The following DMD variants were observed in gnomAD, a reference collection of about 807,000 sequenced individuals.
DMD encodes the protein dystrophin.
In DMD, 63 loss-of-function variants were observed where a neutral mutation model predicts 330.1. That is an observed-to-expected ratio of 0.19 (90% CI 0.16 to 0.24). The LOEUF (loss-of-function observed/expected upper bound fraction) is 0.24, where lower values mean the gene tolerates loss of function less well. Among genes scored for constraint, DMD ranks in the 10% least tolerant of loss-of-function variants. The probability of loss-of-function intolerance (pLI) is 1.00; values close to 1 mark genes in which losing one functional copy is unlikely to be tolerated. For missense variants in DMD, 3,344 were observed against 2,684.1 expected (o/e 1.25, Z -5.43); for synonymous variants, 1,223 against 959.8 (o/e 1.27, Z -5.07).
intron 50 of DMD, among the ~76,000 whole-genome samples, chrX:31,794,718 C>CTTT (rs373671829): frequency 3.0e-5 from 3 of 99,505 alleles, no homozygotes; most frequent in African/African-American, 1.1e-4. Context: ...GCTAGTTCCT[C>CTTT]TTTTTTTTTT....
intron 2 of DMD, among the ~76,000 whole-genome samples, chrX:32,958,054 T>C (rs908559673): frequency 3.1e-4 from 35 of 112,080 alleles, no homozygotes; most frequent in African/African-American, 1.1e-3. Context: ...TATATGTATA[T>C]AGTAAGGTAA....
intron 1 of DMD, among the ~76,000 whole-genome samples, chrX:33,140,586 A>G (rs955866411): frequency 8.9e-6 from 1 of 112,454 alleles, no homozygotes; most frequent in Non-Finnish European, 1.9e-5. Flanking sequence ...GAATTGGACT[A>G]AATAACTTTG....
intron 44 of DMD, among the ~76,000 whole-genome samples, chrX:32,201,508 C>T (rs2097038681): frequency 1.1e-5 from 1 of 92,521 alleles, no homozygotes; most frequent in Non-Finnish European, 2.1e-5. Context: ...ATTTAGATTA[C>T]CTCCTGGAAA....
intron 44 of DMD, among the ~76,000 whole-genome samples, chrX:32,119,951 C>G (rs766488251): frequency 8.9e-6 from 1 of 111,927 alleles, no homozygotes; most frequent in Non-Finnish European, 1.9e-5. Flanking sequence ...AGCTGACTTG[C>G]CACCTCAACT....
chrX:31,860,969 G>T (rs768794567), intron 48 of DMD, among the ~76,000 whole-genome samples: 1 of 112,176 alleles, frequency 8.9e-6, no homozygotes, highest in South Asian at 3.7e-4. Context: ...CAATTCAAAG[G>T]TTAGTTTTGA....
chrX:31,784,571 A>C (rs2091194940), intron 50 of DMD, among the ~76,000 whole-genome samples: 1 of 112,146 alleles, frequency 8.9e-6, no homozygotes, highest in African/African-American at 3.2e-5. Context: ...TCTAACTTGT[A>C]ATTTTTGGAC....
intron 30 of DMD, among the ~76,000 whole-genome samples, chrX:32,394,022 T>A (rs916113359): frequency 3.5e-4 from 39 of 111,856 alleles, no homozygotes; most frequent in African/African-American, 1.3e-3. Context: ...TTAAATTACT[T>A]TTGCAGACTT....
intron 61 of DMD, among the ~76,000 whole-genome samples, chrX:31,335,885 G>C (rs2057382217): frequency 8.9e-6 from 1 of 112,426 alleles, no homozygotes; most frequent in Non-Finnish European, 1.9e-5. Context: ...AACAGGAATA[G>C]AAATAGGGAG....
chrX:33,127,971 C>T, intron 1 of DMD: 1 of 1,026,251 alleles, frequency 9.7e-7, no homozygotes, highest in East Asian at 3.4e-5. Flanking sequence ...TTCCTCACAA[C>T]AAAAGCCCCA....
intron 7 of DMD, among the ~76,000 whole-genome samples, chrX:32,779,761 T>G (rs986370897): frequency 3.8e-5 from 4 of 104,609 alleles, no homozygotes; most frequent in African/African-American, 1.4e-4. Flanking sequence ...GAGATATACC[T>G]AATGTTAAAT....
At chrX:31,124,612 A>AT (rs1189243757) in intron 78 of DMD, among the ~76,000 whole-genome samples, 1 of 112,089 alleles carries the variant, frequency 8.9e-6, no homozygotes, top group African/African-American at 3.2e-5. Context: ...ACAGAAAACT[A>AT]TGTCTATAGA....
In DMD at chrX:33,044,229, C is replaced by T. The variant is rs770715228; in HGVS notation, c.32-24029G>A. On this transcript the variant is annotated intron_variant, in intron 1 of 78. Transcript: ENST00000357033. ...GGTGGATCACTTGAGGTCAGGAGTT[C>T]AAGACCAGCCTGGCCAACGTGGTGA... is the stretch of plus-strand genomic sequence containing the variant. Among the ~76,000 whole-genome samples the T allele has an allele frequency of 3.6e-5, 4 of 111,648 alleles. No homozygotes were observed. The East Asian group carries it at 1.1e-3, about 32-fold the overall frequency.
intron 60 of DMD, among the ~76,000 whole-genome samples, chrX:31,372,279 G>C (rs2059633104): frequency 8.9e-6 from 1 of 112,198 alleles, no homozygotes; most frequent in Non-Finnish European, 1.9e-5. Flanking sequence ...GGAGGAAGGA[G>C]AGATTTTAGG....
At chrX:32,389,468 G>A (rs202118041) in intron 32 of DMD, 33 bp downstream of exon 32, 17 of 1,196,033 alleles carry the variant, frequency 1.4e-5, no homozygotes, top group Non-Finnish European at 1.8e-5. Flanking sequence ...AAAGTCAAGG[G>A]GTACCTGCGT....
At chrX:32,173,955 T>C (rs2096897307) in intron 44 of DMD, among the ~76,000 whole-genome samples, 1 of 112,096 alleles carries the variant, frequency 8.9e-6, no homozygotes, top group African/African-American at 3.2e-5. Context: ...TATAGAAAAT[T>C]TTTAAAAAGA....
intron 7 of DMD, among the ~76,000 whole-genome samples, chrX:32,720,524 A>C (rs1424999297): frequency 8.9e-6 from 1 of 111,931 alleles, no homozygotes; most frequent in African/African-American, 3.2e-5. Context: ...AACTACTTAA[A>C]TAGGTCCTAA....
In DMD at chrX:32,819,005, GTTTTTT is replaced by G. The variant is rs55923814; in HGVS notation, c.358-2371_358-2366del. Among the ~76,000 whole-genome samples, 47 of 69,839 alleles carry G rather than the reference GTTTTTT, an allele frequency of 6.7e-4. No homozygotes were observed. In the East Asian group the frequency reaches 0.015, roughly 23 times the overall value. The allele number at this position is 69,839 out of a possible 115,157, so 60.6% of individuals were successfully genotyped here. On this transcript the variant is annotated intron_variant, in intron 5 of 78. Coordinates refer to ENST00000357033, the MANE Select transcript of DMD (RefSeq NM_004006.3). ...CTGTCACCTCTGCCCTTCTACAGGTGTTTTTTTTTTTTTTTTTTTTTCCAGGGCATG... is the reference window on the plus strand; with the variant it reads ...CTGTCACCTCTGCCCTTCTACAGGTGTTTTTTTTTTTTTTTCCAGGGCATG...
chrX:33,258,141 T>G (rs992120516), intron 1 of DMD, among the ~76,000 whole-genome samples: 1 of 111,517 alleles, frequency 9.0e-6, no homozygotes, highest in Non-Finnish European at 1.9e-5. Flanking sequence ...TTTTAAGAAC[T>G]GTACAAAACA....
At chrX:33,324,065 AATG>A (rs1045688044) in intron 1 of DMD, among the ~76,000 whole-genome samples, 2 of 111,356 alleles carry the variant, frequency 1.8e-5, no homozygotes, top group African/African-American at 6.5e-5. Flanking sequence ...GTCAGAAAAA[AATG>A]ATTATATATA....
Sources: allele counts gnomAD v4.1 joint callset (sites outside exome capture counted in the v4.1 genomes callset), GRCh38; gene constraint gnomAD v4.1.1; transcripts MANE v1.5; gene names NCBI Gene and HGNC (gene_info 2026-07-23, HGNC 2026-07-21).